The following RNGTT variants were observed in gnomAD, a reference collection of about 807,000 sequenced individuals.
RNGTT encodes mRNA-capping enzyme.
A neutral mutation model predicts 79.3 loss-of-function variants in RNGTT; 33 were observed. The observed-to-expected ratio is 0.42, with a 90% CI of 0.32 to 0.56. The LOEUF is 0.56. RNGTT is among the 20% of genes least tolerant of loss of function. The pLI is 0.17. For synonymous variants in RNGTT, 222 were observed against 235.9 expected (o/e 0.94, Z 0.54); for missense variants, 497 against 739.1 (o/e 0.67, Z 3.80).
At chr6:88,644,057 C>A (rs1277217611) in intron 14 of RNGTT, among the ~76,000 whole-genome samples, 1 of 152,086 alleles carries the variant, frequency 6.6e-6, no homozygotes. Flanking sequence ...ATCAATGAAT[C>A]CAGGAGCTGG....
intron 11 of RNGTT, among the ~76,000 whole-genome samples, chr6:88,827,785 A>G (rs756238932): frequency 6.6e-6 from 1 of 152,134 alleles, no homozygotes; most frequent in Non-Finnish European, 1.5e-5. Flanking sequence ...GGAAGTTCCA[A>G]CTGGGCAGAC....
At chr6:88,687,173 G>T (rs1194776852) in intron 13 of RNGTT, among the ~76,000 whole-genome samples, 1 of 152,124 alleles carries the variant, frequency 6.6e-6, no homozygotes, top group African/African-American at 2.4e-5. Flanking sequence ...TGGACATTAA[G>T]CGTATGTAAA....
chr6:88,892,043 A>C (rs1783068089), intron 6 of RNGTT, 128 bp from the exon 7 acceptor site: 1 of 617,540 alleles, frequency 1.6e-6, no homozygotes, highest in Non-Finnish European at 2.6e-6. Context: ...CAATATATCT[A>C]ACAGAAACGG....
chr6:88,705,399 A>C (rs770820916), intron 13 of RNGTT, among the ~76,000 whole-genome samples: 2 of 151,754 alleles, frequency 1.3e-5, no homozygotes, highest in African/African-American at 2.4e-5. Context: ...AAGCAAACTT[A>C]TATGTAGATT....
intron 6 of RNGTT, among the ~76,000 whole-genome samples, chr6:88,904,432 T>C (rs1437236559): frequency 2.0e-4 from 31 of 152,020 alleles, no homozygotes; most frequent in Admixed American, 2.0e-3. Flanking sequence ...AATTAAAAAT[T>C]AGCCAGTCGT....
At chr6:88,939,002 C>T (rs920814627) in intron 2 of RNGTT, among the ~76,000 whole-genome samples, 1 of 152,084 alleles carries the variant, frequency 6.6e-6, no homozygotes, top group Non-Finnish European at 1.5e-5. Flanking sequence ...CTAATGGGAG[C>T]TCTCTTATAA....
intron 13 of RNGTT, among the ~76,000 whole-genome samples, chr6:88,688,904 T>C (rs1334757248): frequency 6.6e-6 from 1 of 152,182 alleles, no homozygotes; most frequent in African/African-American, 2.4e-5. Context: ...AGCATATTTA[T>C]TTTCTCTTCC....
chr6:88,698,003 T>C (rs1775754933), intron 13 of RNGTT, among the ~76,000 whole-genome samples: 1 of 103,282 alleles, frequency 9.7e-6, no homozygotes, highest in South Asian at 2.7e-4. Context: ...GAAATACATA[T>C]ATGATATATA....
At chr6:88,953,143 A>G (rs1383213898) in intron 1 of RNGTT, among the ~76,000 whole-genome samples, 1 of 152,242 alleles carries the variant, frequency 6.6e-6, no homozygotes, top group Non-Finnish European at 1.5e-5. Context: ...TGCCAGATAA[A>G]GAATTCAGAA....
chr6:88,636,503 T>G (rs1773104694), intron 14 of RNGTT, among the ~76,000 whole-genome samples: 1 of 152,048 alleles, frequency 6.6e-6, no homozygotes, highest in South Asian at 2.1e-4. Context: ...TCCAAAGCTC[T>G]TATCCATATA....
intron 11 of RNGTT, among the ~76,000 whole-genome samples, chr6:88,834,827 G>A (rs1449167004): frequency 3.7e-4 from 55 of 147,094 alleles, no homozygotes; most frequent in Non-Finnish European, 1.5e-5. Context: ...GCAATACATA[G>A]AAAATAAATC....
At chr6:88,762,824 A>G (rs962249920) in intron 13 of RNGTT, among the ~76,000 whole-genome samples, 2 of 152,240 alleles carry the variant, frequency 1.3e-5, no homozygotes, top group Non-Finnish European at 2.9e-5. Flanking sequence ...AGAGAACCTG[A>G]GTAAAGAGTG....
intron 4 of RNGTT, among the ~76,000 whole-genome samples, chr6:88,914,504 T>C (rs961922912): frequency 6.7e-6 from 1 of 149,390 alleles, no homozygotes; most frequent in South Asian, 2.1e-4. Context: ...AACTAATCGA[T>C]CTTCAACAAA....
intron 9 of RNGTT, among the ~76,000 whole-genome samples, chr6:88,852,129 T>C (rs1781694488): frequency 6.6e-6 from 1 of 152,068 alleles, no homozygotes; most frequent in Admixed American, 6.5e-5. Context: ...AGGACTTAAA[T>C]ACCTCTCTTT....
intron 2 of RNGTT, among the ~76,000 whole-genome samples, chr6:88,937,656 C>T (rs9344890): frequency 0.042 from 6,341 of 152,018 alleles, 191 homozygotes; most frequent in African/African-American, 0.079. Context: ...CTGAATCCTT[C>T]TACATTTTTG....
intron 14 of RNGTT, among the ~76,000 whole-genome samples, chr6:88,657,396 AAGCCATTGTT>A (rs1406550029): frequency 6.6e-6 from 1 of 152,188 alleles, no homozygotes; most frequent in Non-Finnish European, 1.5e-5. Context: ...GAGCCCAGGG[AAGCCATTGTT>A]AGCCTTATCT....
intron 13 of RNGTT, among the ~76,000 whole-genome samples, chr6:88,735,864 C>G (rs923392253): frequency 1.3e-5 from 2 of 151,840 alleles, no homozygotes; most frequent in African/African-American, 4.8e-5. Flanking sequence ...ACAGGAACAA[C>G]AGAGAATATC....
intron 14 of RNGTT, among the ~76,000 whole-genome samples, chr6:88,670,943 C>G (rs192290463): frequency 6.6e-6 from 1 of 152,216 alleles, no homozygotes; most frequent in Admixed American, 6.5e-5. Flanking sequence ...GTGACTGTTC[C>G]TGCTACACCT....
intron 14 of RNGTT, among the ~76,000 whole-genome samples, chr6:88,664,237 C>T (rs938673228): frequency 3.9e-5 from 6 of 152,210 alleles, no homozygotes; most frequent in East Asian, 3.9e-4. Flanking sequence ...ACAAGGTCTC[C>T]GAGGTTATCC....
Sources: gnomAD v4.1 joint callset for allele counts (sites outside exome capture counted in the v4.1 genomes callset) on GRCh38, gnomAD v4.1.1 for gene constraint, MANE v1.5 for transcripts, NCBI Gene and HGNC (gene_info 2026-07-23, HGNC 2026-07-21) for gene names.